Variants in CDK8 observed in about 807,000 individuals in gnomAD.
CDK8 encodes cyclin-dependent kinase 8.
Under a neutral mutation model 71.5 loss-of-function variants are expected in CDK8, and 29 were observed. The ratio of observed to expected loss-of-function variants is 0.41; its 90% CI spans 0.30 to 0.55. The LOEUF is 0.55. CDK8 is among the 20% of genes least tolerant of loss of function. The pLI is 0.37. For missense variants in CDK8, 288 were observed against 572.6 expected (o/e 0.50, Z 5.07); for synonymous variants, 161 against 192.1 (o/e 0.84, Z 1.34).
At chr13:26,345,938 G>A (rs532227216) in intron 2 of CDK8, among the ~76,000 whole-genome samples, 12 of 152,164 alleles carry the variant, frequency 7.9e-5, no homozygotes, top group Non-Finnish European at 1.3e-4. Context: ...AGTGCCTGCC[G>A]TTGTCAAGTT....
chr13:26,382,951 C>A, intron 5 of CDK8, 80 bp downstream of exon 5: 2 of 807,014 alleles, frequency 2.5e-6, no homozygotes, highest in Non-Finnish European at 3.9e-6. Flanking sequence ...CTAATTTTTG[C>A]TATAATATGC....
chr13:26,404,016 A>G lies in CDK8; in HGVS notation c.1330A>G (p.Ser444Gly). The change falls in exon 13 of 13, where the codon AGC becomes GGC. Residue 444 changes from serine to glycine, a missense_variant. Physicochemically the swap from Ser to Gly is moderately conservative, Grantham distance 56. Transcript: ENST00000381527. ...PGPSTSQPQSSMGYSATSQQP... is the reference protein window; with the variant it reads ...PGPSTSQPQSGMGYSATSQQP... ...ACCAAGCACATCACAGCCGCAGAGC[A>G]GCATGGGATACTCAGCTACCTCCCA... The G allele has an allele frequency of 6.2e-7, 1 of 1,614,050 alleles. No homozygotes were observed. Among genetic ancestry groups the G allele is most frequent in the Non-Finnish European group, 8.5e-7 (1 of 1,180,006 alleles).
intron 9 of CDK8, among the ~76,000 whole-genome samples, chr13:26,397,500 A>G (rs1876052074): frequency 6.6e-6 from 1 of 152,126 alleles, no homozygotes; most frequent in Non-Finnish European, 1.5e-5. Flanking sequence ...ATAAAATTAC[A>G]TGTATTGTTT....
chr13:26,374,388 T>C (rs1458816509), intron 4 of CDK8, among the ~76,000 whole-genome samples: 3 of 152,176 alleles, frequency 2.0e-5, no homozygotes, highest in Admixed American at 2.0e-4. Context: ...TGGATCACAG[T>C]ATATTAAATG....
intron 1 of CDK8, among the ~76,000 whole-genome samples, chr13:26,262,955 A>G (rs1871838076): frequency 6.6e-6 from 1 of 152,212 alleles, no homozygotes; most frequent in African/African-American, 2.4e-5. Context: ...TAATCATCCT[A>G]CAGAGAGGAA....
rs868304909 is a variant in CDK8, at chr13:26,397,234, T to C, written c.933+9T>C. The C allele has an allele frequency of 1.9e-6, 3 of 1,542,740 alleles. No homozygotes were observed. In the African/African-American group the frequency reaches 4.1e-5, roughly 21 times the overall value. The stretch of plus-strand genomic sequence containing the variant: ...GTAAAGCATTCCACTTGGTAAGCAT[T>C]GGTTAACAGTATTAATGAAATGCAT... On this transcript the variant is annotated intron_variant, in intron 9 of 12. Coordinates refer to ENST00000381527, the MANE Select transcript of CDK8 (RefSeq NM_001260.3).
intron 1 of CDK8, among the ~76,000 whole-genome samples, chr13:26,303,884 G>A (rs1476085521): frequency 6.6e-6 from 1 of 152,100 alleles, no homozygotes; most frequent in African/African-American, 2.4e-5. Context: ...TACTTTGTCT[G>A]TTATTAACCC....
chr13:26,313,675 T>C (rs1189015265), intron 1 of CDK8, among the ~76,000 whole-genome samples: 3 of 152,218 alleles, frequency 2.0e-5, no homozygotes, highest in East Asian at 3.8e-4. Flanking sequence ...ACTTTTCAGA[T>C]GAGTAAATGA....
chr13:26,283,523 G>C (rs1044496842), intron 1 of CDK8, among the ~76,000 whole-genome samples: 1 of 152,080 alleles, frequency 6.6e-6, no homozygotes, highest in East Asian at 1.9e-4. Context: ...GAGGAGAATT[G>C]CTTGAACCTG....
chr13:26,321,894 A>G (rs1006020463), intron 1 of CDK8, among the ~76,000 whole-genome samples: 2 of 152,180 alleles, frequency 1.3e-5, no homozygotes, highest in South Asian at 4.1e-4. Flanking sequence ...CCATATATGA[A>G]TACCCTATTA....
chr13:26,276,778 T>A (rs1037216689), intron 1 of CDK8, among the ~76,000 whole-genome samples: 1 of 152,238 alleles, frequency 6.6e-6, no homozygotes, highest in Non-Finnish European at 1.5e-5. Flanking sequence ...AAATCTCTTA[T>A]GAAAACAGAA....
intron 1 of CDK8, among the ~76,000 whole-genome samples, chr13:26,259,603 G>A (rs148965044): frequency 1.3e-5 from 2 of 152,136 alleles, no homozygotes; most frequent in Non-Finnish European, 2.9e-5. Flanking sequence ...TTTCCATGTG[G>A]TTGAAGTTAC....
chr13:26,383,771 A>C (rs1177679327), intron 5 of CDK8, among the ~76,000 whole-genome samples: 1 of 152,214 alleles, frequency 6.6e-6, no homozygotes, highest in East Asian at 1.9e-4. Flanking sequence ...TCCACTTCTA[A>C]TTAGACTCTT....
At chr13:26,367,872 G>A (rs1203228687) in intron 4 of CDK8, among the ~76,000 whole-genome samples, 1 of 152,104 alleles carries the variant, frequency 6.6e-6, no homozygotes, top group African/African-American at 2.4e-5. Context: ...TCATCTGCCT[G>A]GTATCTTTTT....
intron 4 of CDK8, among the ~76,000 whole-genome samples, chr13:26,376,109 G>A (rs1395610195): frequency 6.6e-6 from 1 of 152,128 alleles, no homozygotes; most frequent in Non-Finnish European, 1.5e-5. Context: ...ACAAAGCAAA[G>A]TTAGTTTTGT....
intron 4 of CDK8, among the ~76,000 whole-genome samples, chr13:26,361,698 A>T (rs1874142231): frequency 6.6e-6 from 1 of 151,192 alleles, no homozygotes; most frequent in South Asian, 2.1e-4. Flanking sequence ...GTTGGAGATC[A>T]TCTCTAATTT....
At chr13:26,366,452 A>G (rs1249257307) in intron 4 of CDK8, among the ~76,000 whole-genome samples, 1 of 152,150 alleles carries the variant, frequency 6.6e-6, no homozygotes, top group Non-Finnish European at 1.5e-5. Context: ...CCGTTACTGA[A>G]TTAACTATTG....
Position 26,382,959 on chromosome 13 carries a change from T to G in CDK8, c.514+88T>G, listed in dbSNP as rs547285437. On this transcript the variant is annotated intron_variant, in intron 5 of 12. Coordinates refer to ENST00000381527, the MANE Select transcript of CDK8 (RefSeq NM_001260.3). ...ATCACTTCTAATTTTTGCTATAATA[T>G]GCATATATTCATGTAGTTCCATATG... 4.0e-6 allele frequency: 3 copies of G among 752,158 alleles called. No individual in the cohort carries two copies. In the South Asian group the frequency reaches 5.9e-5, roughly 15 times the overall value. 46.6% of individuals were successfully genotyped at this position (752,158 alleles called of 1,614,324 possible).
chr13:26,284,813 TAAC>T (rs1031196677), intron 1 of CDK8, among the ~76,000 whole-genome samples: 8 of 144,784 alleles, frequency 5.5e-5, no homozygotes, highest in Non-Finnish European at 1.1e-4. Flanking sequence ...AAGGTTATAA[TAAC>T]AACAACAAAA....
Sources: gnomAD v4.1 joint callset for allele counts (sites outside exome capture counted in the v4.1 genomes callset) on GRCh38, gnomAD v4.1.1 for gene constraint, MANE v1.5 for transcripts, NCBI Gene and HGNC (gene_info 2026-07-23, HGNC 2026-07-21) for gene names.